Variants in FGF14 observed in about 807,000 individuals in gnomAD.
The protein encoded by FGF14 is fibroblast growth factor homologous factor 4.
A neutral mutation model predicts 25.5 loss-of-function variants in FGF14; 5 were observed. That is an observed-to-expected ratio of 0.20 (90% CI 0.10 to 0.41). The LOEUF (loss-of-function observed/expected upper bound fraction) is 0.41. Among genes scored for constraint, FGF14 ranks in the 10% least tolerant of loss-of-function variants. The pLI, the probability that FGF14 is intolerant of heterozygous loss-of-function variation, is 1.00. For synonymous variants in FGF14, 138 were observed against 118.3 expected, an observed-to-expected ratio of 1.17 and a Z score of -1.08; for missense variants, 222 against 320.1, an observed-to-expected ratio of 0.69 and a Z score of 2.34.
intron 1 of FGF14, among the ~76,000 whole-genome samples, chr13:102,161,661 GAAGAAGAAGAAGAAGAAGAA>G (rs1566765421): frequency 1.5e-4 from 4 of 26,276 alleles, no homozygotes; most frequent in African/African-American, 3.2e-4. Context: ...AGAAGAAGAA[GAAGAAGAAGAAGAAGAAGAA>G]GAAGAAGAAG....
intron 1 of FGF14, among the ~76,000 whole-genome samples, chr13:102,011,821 G>A (rs2040096939): frequency 2.6e-5 from 4 of 152,268 alleles, no homozygotes; most frequent in Admixed American, 6.5e-5. Context: ...TATAAATACT[G>A]ATCTCCAGCT....
intron 1 of FGF14, among the ~76,000 whole-genome samples, chr13:101,949,422 C>G (rs139722846): frequency 3.3e-5 from 5 of 152,034 alleles, no homozygotes; most frequent in Non-Finnish European, 5.9e-5. Flanking sequence ...TGCTTGGCTG[C>G]GGAACTGCAG....
chr13:101,874,969 T>C (rs2045315508), intron 2 of FGF14, among the ~76,000 whole-genome samples: 1 of 152,138 alleles, frequency 6.6e-6, no homozygotes, highest in African/African-American at 2.4e-5. Context: ...ACAAAAATAG[T>C]AACATAATCA....
At chr13:102,255,931 G>A (rs563653882) in intron 1 of FGF14, among the ~76,000 whole-genome samples, 3 of 152,272 alleles carry the variant, frequency 2.0e-5, no homozygotes, top group African/African-American at 7.2e-5. Flanking sequence ...CCTTTACAAG[G>A]CATGCTTGAT....
At chr13:101,784,986 GC>G (rs1459399391) in intron 3 of FGF14, among the ~76,000 whole-genome samples, 1 of 152,102 alleles carries the variant, frequency 6.6e-6, no homozygotes, top group East Asian at 1.9e-4. Flanking sequence ...ATCACTTCTA[GC>G]TTTATTTATA....
intron 1 of FGF14, among the ~76,000 whole-genome samples, chr13:102,312,222 C>CAAAAAAA (rs34575465): frequency 2.1e-5 from 2 of 96,960 alleles, no homozygotes; most frequent in Non-Finnish European, 2.3e-5. Context: ...AGACCTAAAC[C>CAAAAAAA]AAAAAAAAAA....
At chr13:101,736,231 T>C (rs754547123) in intron 3 of FGF14, among the ~76,000 whole-genome samples, 9 of 152,138 alleles carry the variant, frequency 5.9e-5, no homozygotes, top group African/African-American at 1.9e-4. Flanking sequence ...AGTGTATATA[T>C]ACATAACTAT....
intron 1 of FGF14, among the ~76,000 whole-genome samples, chr13:102,280,817 GA>G (rs2053792714): frequency 1.3e-5 from 2 of 152,176 alleles, no homozygotes; most frequent in Admixed American, 1.3e-4. Context: ...GAGTGAACAT[GA>G]GAACAGGTGC....
intron 3 of FGF14, among the ~76,000 whole-genome samples, chr13:101,797,847 C>A (rs74121030): frequency 0.016 from 2,372 of 150,318 alleles, 50 homozygotes; most frequent in South Asian, 0.072. Flanking sequence ...AAATTAGGAA[C>A]CTTCAAAAAA....
chr13:102,401,583 C>T, exon 1 of FGF14: 1 of 1,614,120 alleles, frequency 6.2e-7, no homozygotes. Context: ...AAAAGCAATC[C>T]AGCAGCTTAG....
chr13:102,287,768 T>C (rs2054178912), intron 1 of FGF14, among the ~76,000 whole-genome samples: 1 of 152,214 alleles, frequency 6.6e-6, no homozygotes, highest in Admixed American at 6.5e-5. Context: ...CCCCTTACTT[T>C]ATTACAGACA....
At chr13:102,332,723 T>C (rs1023417573) in intron 1 of FGF14, among the ~76,000 whole-genome samples, 5 of 152,110 alleles carry the variant, frequency 3.3e-5, no homozygotes, top group African/African-American at 1.2e-4. Flanking sequence ...TCTTGACAGG[T>C]CTAAGTATGT....
At chr13:101,781,095 G>A (rs772076284) in intron 3 of FGF14, among the ~76,000 whole-genome samples, 13 of 151,590 alleles carry the variant, frequency 8.6e-5, no homozygotes, top group East Asian at 2.0e-4. Context: ...CTCCCCAAGC[G>A]TCTTGCCATA....
intron 1 of FGF14, among the ~76,000 whole-genome samples, chr13:102,039,169 T>A (rs916998239): frequency 6.6e-6 from 1 of 152,216 alleles, no homozygotes; most frequent in Non-Finnish European, 1.5e-5. Flanking sequence ...CATTCTGATA[T>A]CTTCACTCTA....
intron 3 of FGF14, among the ~76,000 whole-genome samples, chr13:101,787,948 T>C (rs2039944440): frequency 6.6e-6 from 1 of 152,220 alleles, no homozygotes; most frequent in African/African-American, 2.4e-5. Context: ...TTCACCTCAC[T>C]GCAACCTCCG....
intron 1 of FGF14, among the ~76,000 whole-genome samples, chr13:102,184,218 C>G (rs1429191978): frequency 6.6e-6 from 1 of 151,954 alleles, no homozygotes; most frequent in Non-Finnish European, 1.5e-5. Flanking sequence ...GATTCACAGG[C>G]AAGCCTACTA....
At chr13:101,740,187 C>T (rs939567752) in intron 3 of FGF14, among the ~76,000 whole-genome samples, 6 of 152,162 alleles carry the variant, frequency 3.9e-5, no homozygotes, top group African/African-American at 1.4e-4. Flanking sequence ...TGCCGATGTT[C>T]CCAGCTGAAT....
intron 1 of FGF14, among the ~76,000 whole-genome samples, chr13:102,287,122 T>C (rs2141243974): frequency 6.6e-6 from 1 of 151,478 alleles, no homozygotes; most frequent in South Asian, 2.1e-4. Flanking sequence ...GAACTTAAAG[T>C]ACAATAAAAA....
intron 1 of FGF14, among the ~76,000 whole-genome samples, chr13:102,149,208 A>G (rs1051687415): frequency 6.6e-6 from 1 of 151,858 alleles, no homozygotes; most frequent in Non-Finnish European, 1.5e-5. Flanking sequence ...ATTGCTTTTT[A>G]TATTTATTAA....
Sources: allele counts gnomAD v4.1 joint callset (sites outside exome capture counted in the v4.1 genomes callset), GRCh38; gene constraint gnomAD v4.1.1; transcripts MANE v1.5; gene names NCBI Gene and HGNC (gene_info 2026-07-23, HGNC 2026-07-21).